Variants in FSIP1 observed in about 807,000 individuals in gnomAD.
The protein encoded by FSIP1 is fibrous sheath interacting protein 1.
A neutral mutation model predicts 60.9 loss-of-function variants in FSIP1; 65 were observed. The ratio of observed to expected loss-of-function variants is 1.07; its 90% CI spans 0.87 to 1.31. FSIP1 has a LOEUF of 1.31. Among genes scored for constraint, FSIP1 ranks in the 40% most tolerant of loss-of-function variants. The probability of loss-of-function intolerance (pLI) is 0.00; values close to 1 mark genes in which losing one functional copy is unlikely to be tolerated. For synonymous variants in FSIP1, 209 were observed against 221.2 expected, an observed-to-expected ratio of 0.94 and a Z score of 0.49; for missense variants, 675 against 665.5, an observed-to-expected ratio of 1.01 and a Z score of -0.16.
chr15:39,780,479 T>C (rs934409252), intron 1 of FSIP1, among the ~76,000 whole-genome samples: 9 of 152,112 alleles, frequency 5.9e-5, no homozygotes, highest in African/African-American at 1.2e-4. Context: ...GAGCCGAGAT[T>C]GCACCACTCC....
intron 10 of FSIP1, among the ~76,000 whole-genome samples, chr15:39,688,897 G>C (rs1894489375): frequency 6.6e-6 from 1 of 152,126 alleles, no homozygotes; most frequent in African/African-American, 2.4e-5. Flanking sequence ...GAATTACTAA[G>C]AACAATTTAA....
intron 11 of FSIP1, among the ~76,000 whole-genome samples, chr15:39,605,660 G>A (rs1890796861): frequency 6.6e-6 from 1 of 152,182 alleles, no homozygotes; most frequent in Admixed American, 6.5e-5. Flanking sequence ...CCTTCTAAGG[G>A]GAGCATCTGC....
chr15:39,607,925 A>T (rs866596818), intron 11 of FSIP1, among the ~76,000 whole-genome samples: 1 of 152,262 alleles, frequency 6.6e-6, no homozygotes. Flanking sequence ...AACACGCAGC[A>T]ACTCCTCATT....
intron 10 of FSIP1, among the ~76,000 whole-genome samples, chr15:39,623,404 A>G (rs564506927): frequency 4.9e-4 from 75 of 152,196 alleles, no homozygotes; most frequent in Non-Finnish European, 9.4e-4. Context: ...GACCCACCCT[A>G]TGAAACCAAT....
chr15:39,709,867 A>G (rs1895425529), intron 10 of FSIP1, among the ~76,000 whole-genome samples: 1 of 152,104 alleles, frequency 6.6e-6, no homozygotes, highest in Non-Finnish European at 1.5e-5. Context: ...TGTAAATACA[A>G]ACGAAGCCAC....
At chr15:39,640,647 C>A (rs1304799142) in intron 10 of FSIP1, among the ~76,000 whole-genome samples, 1 of 151,096 alleles carries the variant, frequency 6.6e-6, no homozygotes, top group African/African-American at 2.4e-5. Flanking sequence ...ATGAATAATT[C>A]GCGAATTGGG....
At chr15:39,652,544 ATT>A (rs1389070188) in intron 10 of FSIP1, among the ~76,000 whole-genome samples, 1 of 152,176 alleles carries the variant, frequency 6.6e-6, no homozygotes, top group African/African-American at 2.4e-5. Context: ...CTACCTAAAC[ATT>A]TCTTTCCATT....
At chr15:39,683,710 A>G (rs1894254224) in intron 10 of FSIP1, among the ~76,000 whole-genome samples, 1 of 152,246 alleles carries the variant, frequency 6.6e-6, no homozygotes, top group African/African-American at 2.4e-5. Flanking sequence ...TCTAGAACTA[A>G]TAAGTCATTT....
intron 11 of FSIP1, among the ~76,000 whole-genome samples, chr15:39,617,049 G>A (rs984456505): frequency 6.6e-6 from 1 of 152,080 alleles, no homozygotes; most frequent in African/African-American, 2.4e-5. Flanking sequence ...CAGAGTTAAT[G>A]GATTATAGAT....
At chr15:39,748,160 C>A (rs1277834469) in intron 5 of FSIP1, among the ~76,000 whole-genome samples, 4 of 152,034 alleles carry the variant, frequency 2.6e-5, no homozygotes, top group African/African-American at 9.7e-5. Flanking sequence ...TATACTCTTT[C>A]TTCCAGTTCT....
In FSIP1 at chr15:39,630,288, T is replaced by A. The variant is rs142603728; in HGVS notation, c.1189-12043A>T. 2.6e-5 allele frequency among the ~76,000 whole-genome samples: 4 copies of A among 152,342 alleles called. No homozygotes were observed. The East Asian group carries it at 5.8e-4, about 22-fold the overall frequency. On this transcript the variant is annotated intron_variant, in intron 10 of 11. Coordinates refer to ENST00000350221, the MANE Select transcript of FSIP1 (RefSeq NM_152597.5). ...TGTGCTATGATCCAAATTATGAAAG[T>A]TAAATTATCTAGAGAGCAAACCAAA...
chr15:39,713,832 G>A (rs1311528931), intron 9 of FSIP1, among the ~76,000 whole-genome samples: 1 of 152,196 alleles, frequency 6.6e-6, no homozygotes, highest in Non-Finnish European at 1.5e-5. Flanking sequence ...AGTGAAAACA[G>A]CTGGAGCCAG....
At chr15:39,737,154 G>A (rs1320763687) in intron 8 of FSIP1, among the ~76,000 whole-genome samples, 1 of 152,150 alleles carries the variant, frequency 6.6e-6, no homozygotes, top group East Asian at 1.9e-4. Flanking sequence ...TTTCTTCACA[G>A]AAGCAAAGGA....
chr15:39,641,231 AT>A (rs778598750), intron 10 of FSIP1, among the ~76,000 whole-genome samples: 21 of 152,288 alleles, frequency 1.4e-4, no homozygotes, highest in Non-Finnish European at 2.2e-4. Context: ...GAAAAAAAAA[AT>A]GTTTTTTTAA....
chr15:39,768,970 C>T (rs1218814686), intron 3 of FSIP1, among the ~76,000 whole-genome samples: 2 of 152,170 alleles, frequency 1.3e-5, no homozygotes, highest in African/African-American at 4.8e-5. Flanking sequence ...GTTAATATTG[C>T]CACCAATTTT....
At position 39,739,214 on chromosome 15, in the gene FSIP1, C is replaced by A. The variant is rs150209783; in HGVS notation, c.780+451G>T. Among the ~76,000 whole-genome samples the A allele has an allele frequency of 1.6e-3, 242 of 152,298 alleles. 3 individuals are homozygous for A. Among genetic ancestry groups the A allele is most frequent in the African/African-American group, 5.6e-3 (232 of 41,546 alleles). On this transcript the variant is annotated intron_variant, in intron 7 of 11. Transcript: ENST00000350221. ...GACGTCCAGAGAAGAGGCGGACAAC[C>A]AGTTGGCTTCTCCAGCCCAGCCCTG...
chr15:39,718,919 T>G (rs769934015), intron 9 of FSIP1, among the ~76,000 whole-genome samples: 3 of 152,242 alleles, frequency 2.0e-5, no homozygotes, highest in African/African-American at 4.8e-5. Flanking sequence ...TGTGCACTTT[T>G]GAGGAAGTCA....
chr15:39,707,398 A>C (rs1208018394), intron 10 of FSIP1, among the ~76,000 whole-genome samples: 5 of 152,062 alleles, frequency 3.3e-5, no homozygotes, highest in Non-Finnish European at 7.4e-5. Flanking sequence ...TTACAGAGTA[A>C]GTAGAGAACA....
At chr15:39,731,760 T>G (rs1896413100) in intron 8 of FSIP1, among the ~76,000 whole-genome samples, 1 of 152,054 alleles carries the variant, frequency 6.6e-6, no homozygotes, top group Non-Finnish European at 1.5e-5. Flanking sequence ...AGGGTTCAGG[T>G]AGGTAACTAA....
Sources: allele counts gnomAD v4.1 joint callset (sites outside exome capture counted in the v4.1 genomes callset), GRCh38; gene constraint gnomAD v4.1.1; transcripts MANE v1.5; gene names NCBI Gene and HGNC (gene_info 2026-07-23, HGNC 2026-07-21).